The following CFAP70 variants were observed in gnomAD, a reference collection of about 807,000 sequenced individuals.
The protein encoded by CFAP70 is cilia and flagella associated protein 70, also known as cilia- and flagella-associated protein 70.
CFAP70 carries 81 observed loss-of-function variants against 137.6 expected under a neutral mutation model. That is an observed-to-expected ratio of 0.59 (90% CI 0.49 to 0.71). The LOEUF (loss-of-function observed/expected upper bound fraction) is 0.71, where lower values mean the gene tolerates loss of function less well. CFAP70 is among the 30% of genes least tolerant of loss of function. CFAP70 has a pLI of 0.00. For missense variants in CFAP70, 976 were observed against 1,226.7 expected, an observed-to-expected ratio of 0.80 and a Z score of 3.05; for synonymous variants, 382 against 423.6, an observed-to-expected ratio of 0.90 and a Z score of 1.20.
chr10:73,330,185 C>T (rs1372271095), intron 8 of CFAP70, among the ~76,000 whole-genome samples: 1 of 152,060 alleles, frequency 6.6e-6, no homozygotes, highest in East Asian at 1.9e-4. Flanking sequence ...GGTGCAGTGG[C>T]TCACACCTAT....
intron 19 of CFAP70, among the ~76,000 whole-genome samples, chr10:73,282,826 CTTTT>C (rs1203127459): frequency 9.9e-5 from 9 of 90,928 alleles, no homozygotes; most frequent in Admixed American, 3.7e-4. Context: ...TTCCTGTTAT[CTTTT>C]TTTTTTTTTT....
intron 18 of CFAP70, 60 bp from the exon 20 acceptor site, chr10:73,291,504 A>G: frequency 6.5e-7 from 1 of 1,542,036 alleles, no homozygotes; most frequent in Non-Finnish European, 8.9e-7. Context: ...TATACTAAAG[A>G]ATTGTATTTC....
chr10:73,315,455 C>A (rs919143322), intron 9 of CFAP70, among the ~76,000 whole-genome samples: 1 of 150,870 alleles, frequency 6.6e-6, no homozygotes, highest in African/African-American at 2.5e-5. Context: ...AATAAACATT[C>A]ACATATATGT....
chr10:73,291,211 A>G lies in CFAP70; in HGVS notation c.2239+15T>C. On this transcript the variant is annotated intron_variant, in intron 19 of 26. Coordinates refer to ENST00000310715, the Ensembl canonical transcript of CFAP70. Reference sequence around the variant, plus strand: ...TTTCTAATAGCCACTCTTCACCTCTATTCCCTGGCTCTACCTGCTGGGGCT... The same window carrying G: ...TTTCTAATAGCCACTCTTCACCTCTGTTCCCTGGCTCTACCTGCTGGGGCT... 1.2e-6 allele frequency: 2 copies of G among 1,612,726 alleles called. No homozygotes were observed. The highest frequency in any genetic ancestry group is 1.7e-6 in the Non-Finnish European group (2 of 1,178,940).
At chr10:73,291,331 T>A in exon 19 of CFAP70, 1 of 1,614,244 alleles carries the variant, frequency 6.2e-7, no homozygotes, top group Non-Finnish European at 8.5e-7. Flanking sequence ...TCTACACCAG[T>A]GCTCTTTTGC....
chr10:73,255,479 G>A (rs1181483177), intron 26 of CFAP70, among the ~76,000 whole-genome samples: 1 of 152,078 alleles, frequency 6.6e-6, no homozygotes, highest in Non-Finnish European at 1.5e-5. Context: ...CACTTGAACC[G>A]GGAGGTGGAG....
intron 1 of CFAP70, among the ~76,000 whole-genome samples, chr10:73,355,039 T>C (rs958882943): frequency 2.6e-5 from 4 of 152,220 alleles, no homozygotes; most frequent in Non-Finnish European, 5.9e-5. Context: ...GCGCTAAAGA[T>C]GTTTATACAG....
intron 8 of CFAP70, among the ~76,000 whole-genome samples, chr10:73,329,231 A>G (rs7914639): frequency 0.11 from 16,081 of 152,178 alleles, 1,231 homozygotes; most frequent in East Asian, 0.3. Context: ...TCAGCAAACT[A>G]TTGCAAGGAC....
At chr10:73,353,693 T>C (rs1328461399) in exon 3 of CFAP70, 2 of 1,614,220 alleles carry the variant, frequency 1.2e-6, no homozygotes, top group Admixed American at 3.3e-5. Context: ...AACCACTTGA[T>C]TGAATTCTGC....
At chr10:73,269,985 G>T (rs1230677527) in intron 24 of CFAP70, among the ~76,000 whole-genome samples, 1 of 152,046 alleles carries the variant, frequency 6.6e-6, no homozygotes, top group African/African-American at 2.4e-5. Flanking sequence ...CTCTACAGCG[G>T]TCCCATCAGG....
intron 19 of CFAP70, among the ~76,000 whole-genome samples, chr10:73,286,271 C>T (rs984528052): frequency 6.6e-6 from 1 of 152,028 alleles, no homozygotes; most frequent in South Asian, 2.1e-4. Flanking sequence ...GGTGAAACCC[C>T]GTCTCTACTA....
exon 25 of CFAP70, chr10:73,269,644 T>C (rs755067071): frequency 1.9e-6 from 3 of 1,613,668 alleles, no homozygotes; most frequent in Admixed American, 3.3e-5. Flanking sequence ...GATATGCCCA[T>C]ACTTCAGCAT....
intron 3 of CFAP70, among the ~76,000 whole-genome samples, chr10:73,352,904 A>C (rs1399966471): frequency 1.3e-5 from 2 of 152,180 alleles, no homozygotes; most frequent in Non-Finnish European, 2.9e-5. Flanking sequence ...ATTCATAAGT[A>C]TGTTTTTAAA....
intron 8 of CFAP70, among the ~76,000 whole-genome samples, chr10:73,323,787 A>G (rs7912327): frequency 0.048 from 7,252 of 152,296 alleles, 534 homozygotes; most frequent in African/African-American, 0.16. Flanking sequence ...GGTGCCCCCC[A>G]TTGCCCAGGC....
chr10:73,359,864 T>C (rs60354099), upstream of CFAP70, among the ~76,000 whole-genome samples: 2,406 of 150,694 alleles, frequency 0.016, 70 homozygotes, highest in African/African-American at 0.055. Flanking sequence ...TTGGGAGGAG[T>C]CTACATTGTG....
In CFAP70 at chr10:73,275,588, C is replaced by CT; in HGVS notation, c.2530dup (p.Arg844LysfsTer6). On this transcript the variant is annotated frameshift_variant, in exon 22 of 27. Transcript: ENST00000310715. LOFTEE classifies it high-confidence loss of function. The surrounding 1 kb of genome is among the most constrained non-coding windows in gnomAD (Gnocchi z 4.0). ...GCATAACAGCTCATGTGCAAGCACT[C>CT]TGTGCACATACTGCAAGGATAATCA... 6.3e-7 allele frequency: 1 copy of CT among 1,594,276 alleles called. No homozygotes were observed. The highest frequency in any genetic ancestry group is 8.5e-7 in the Non-Finnish European group (1 of 1,172,372).
At chr10:73,254,374 C>G (rs1564731559) in intron 26 of CFAP70, 1 of 170,892 alleles carries the variant, frequency 5.9e-6, no homozygotes, top group African/African-American at 2.4e-5. Context: ...ACCAGCATCT[C>G]TTGGCTAATG....
intron 25 of CFAP70, among the ~76,000 whole-genome samples, chr10:73,267,840 A>G (rs11000576): frequency 0.15 from 23,270 of 152,170 alleles, 2,914 homozygotes; most frequent in African/African-American, 0.32. Flanking sequence ...CTTTGTGTTT[A>G]TAGGTTCCTA....
At chr10:73,256,397 GCTT>G (rs1284107626) in exon 26 of CFAP70, 1 of 1,613,990 alleles carries the variant, frequency 6.2e-7, no homozygotes, top group African/African-American at 1.3e-5. Flanking sequence ...GGCCTGCTCA[GCTT>G]CTAATTGCCG....
Sources: allele counts gnomAD v4.1 joint callset (sites outside exome capture counted in the v4.1 genomes callset), GRCh38; gene constraint gnomAD v4.1.1; non-coding constraint Gnocchi (gnomAD v3.1); transcripts MANE v1.5; gene names NCBI Gene and HGNC (gene_info 2026-07-23, HGNC 2026-07-21).